SAMD5: variants seen among roughly 807,000 people sequenced by gnomAD.
SAMD5 encodes sterile alpha motif domain containing 5.
Under a neutral mutation model 11.3 loss-of-function variants are expected in SAMD5, and 13 were observed. The ratio of observed to expected loss-of-function variants is 1.15; its 90% confidence interval spans 0.75 to 1.83. The LOEUF is 1.83. Ranked by LOEUF, SAMD5 falls within the 40% of genes most tolerant of loss-of-function variation. The pLI is 0.00. For missense variants in SAMD5, 255 were observed against 239.1 expected, an observed-to-expected ratio of 1.07 and a Z score of -0.44; for synonymous variants, 129 against 111.3, an observed-to-expected ratio of 1.16 and a Z score of -1.00.
chr6:147,914,715 G>GA, the SAMD5 span, among the ~76,000 whole-genome samples: 4 of 152,124 alleles, frequency 2.6e-5, no homozygotes, highest in Non-Finnish European at 5.9e-5. Flanking sequence ...CTTGCAAGGG[G>GA]AAAAACAGTA....
chr6:147,676,724 A>G (rs1457781294), intron 1 of SAMD5, among the ~76,000 whole-genome samples: 1 of 151,558 alleles, frequency 6.6e-6, no homozygotes, highest in Non-Finnish European at 1.5e-5. Context: ...TAACATTTAA[A>G]CCAGACCTTG....
chr6:147,767,585 C>A, the SAMD5 span, among the ~76,000 whole-genome samples: 1 of 152,058 alleles, frequency 6.6e-6, no homozygotes, highest in South Asian at 2.1e-4. Flanking sequence ...GGGATTGAAG[C>A]CCTTATAAAG....
At chr6:147,925,849 A>T in the SAMD5 span, among the ~76,000 whole-genome samples, 401 of 152,104 alleles carry the variant, frequency 2.6e-3, no homozygotes, top group African/African-American at 9.1e-3. Flanking sequence ...TCCACCCTCA[A>T]GTAGGCCCCA....
At chr6:147,533,462 CAAAAAAA>C (rs57455955) in intron 1 of SAMD5, among the ~76,000 whole-genome samples, 2 of 89,508 alleles carry the variant, frequency 2.2e-5, no homozygotes, top group African/African-American at 3.7e-5. Flanking sequence ...AATTCCATCT[CAAAAAAA>C]AAAAAAAAAA....
chr6:147,686,802 C>T (rs1232054103), intron 1 of SAMD5, among the ~76,000 whole-genome samples: 3 of 151,920 alleles, frequency 2.0e-5, no homozygotes, highest in Non-Finnish European at 4.4e-5. Flanking sequence ...ATAATCATGG[C>T]CATTAAACAA....
intron 1 of SAMD5, among the ~76,000 whole-genome samples, chr6:147,701,945 G>A (rs1389779582): frequency 1.3e-5 from 2 of 152,132 alleles, no homozygotes; most frequent in Non-Finnish European, 2.9e-5. Context: ...GACTAGACTT[G>A]AGGAACCTGA....
the SAMD5 span, among the ~76,000 whole-genome samples, chr6:147,772,613 G>A: frequency 3.3e-5 from 5 of 152,018 alleles, no homozygotes; most frequent in African/African-American, 1.2e-4. Flanking sequence ...TCTGTTCCAG[G>A]CCTCAGTGCT....
the SAMD5 span, among the ~76,000 whole-genome samples, chr6:147,909,581 T>C: frequency 1.0e-3 from 62 of 61,894 alleles, no homozygotes; most frequent in African/African-American, 6.1e-3. Flanking sequence ...TCTTTCTTTC[T>C]TTCTTTCTTT....
the SAMD5 span, among the ~76,000 whole-genome samples, chr6:147,923,399 A>C: frequency 6.6e-6 from 1 of 152,226 alleles, no homozygotes; most frequent in Non-Finnish European, 1.5e-5. Flanking sequence ...TGTCAATAAA[A>C]AGACCAATAA....
Position 147,569,329 on chromosome 6 carries a change from A to AT in SAMD5, c.*4879dup, listed in dbSNP as rs1789099492. 1.8e-6 allele frequency: 1 copy of AT among 570,280 alleles called. No homozygotes were observed. Among genetic ancestry groups the AT allele is most frequent in the Non-Finnish European group, 2.2e-6 (1 of 451,532 alleles). 35.3% of individuals were successfully genotyped at this position (570,280 alleles called of 1,614,324 possible). On this transcript the variant is annotated 3_prime_UTR_variant, in exon 2 of 2. Coordinates refer to ENST00000367474, the MANE Select transcript of SAMD5 (RefSeq NM_001030060.3). ...TTTAAACTCCTGGAAATTAAGTGTT[A>AT]TTTTTTATTACTGCAGTTGAGAGAT...
chr6:147,833,787 T>C, the SAMD5 span, among the ~76,000 whole-genome samples: 1 of 152,238 alleles, frequency 6.6e-6, no homozygotes, highest in East Asian at 1.9e-4. Flanking sequence ...TCTTAGTCCA[T>C]GGAACATATT....
chr6:147,661,144 AT>A (rs1014478376), intron 1 of SAMD5, among the ~76,000 whole-genome samples: 4 of 151,522 alleles, frequency 2.6e-5, no homozygotes, highest in South Asian at 2.1e-4. Flanking sequence ...AAATCTACCA[AT>A]TTTTTTTTCT....
At chr6:147,751,910 TTA>T in the SAMD5 span, among the ~76,000 whole-genome samples, 430 of 152,260 alleles carry the variant, frequency 2.8e-3, 2 homozygotes, top group African/African-American at 9.9e-3. Context: ...ACATAAATAA[TTA>T]TATGAAAATC....
chr6:147,616,675 A>G (rs1008846275), intron 1 of SAMD5, among the ~76,000 whole-genome samples: 2 of 152,218 alleles, frequency 1.3e-5, no homozygotes, highest in Non-Finnish European at 2.9e-5. Context: ...AGACTGAGTA[A>G]TTTATAAAGG....
chr6:147,637,697 C>T (rs1385184961), intron 1 of SAMD5, among the ~76,000 whole-genome samples: 1 of 152,148 alleles, frequency 6.6e-6, no homozygotes, highest in African/African-American at 2.4e-5. Context: ...TAAATTGACC[C>T]TCATACAGTA....
chr6:147,734,711 T>TGAAAAAAAAA (rs1791767982), intron 1 of SAMD5, among the ~76,000 whole-genome samples: 1 of 26,100 alleles, frequency 3.8e-5, no homozygotes, highest in Non-Finnish European at 9.4e-5. Context: ...AGACTCCATC[T>TGAAAAAAAAA]AAAAAAAAAA....
At chr6:147,892,017 T>G in the SAMD5 span, among the ~76,000 whole-genome samples, 2 of 152,334 alleles carry the variant, frequency 1.3e-5, no homozygotes, top group Admixed American at 1.3e-4. Context: ...GGGCTCCTGA[T>G]GCCGAGTCCA....
At chr6:147,860,056 C>T in the SAMD5 span, among the ~76,000 whole-genome samples, 1 of 152,144 alleles carries the variant, frequency 6.6e-6, no homozygotes, top group South Asian at 2.1e-4. Context: ...TGAAATTTAT[C>T]GTCCCACAGT....
At chr6:147,826,311 G>A in the SAMD5 span, among the ~76,000 whole-genome samples, 83 of 152,188 alleles carry the variant, frequency 5.5e-4, no homozygotes, top group Admixed American at 4.6e-3. Context: ...CCTTCTCTCC[G>A]TCCTCTCCTC....
Sources: gnomAD v4.1 joint callset for allele counts (sites outside exome capture counted in the v4.1 genomes callset) on GRCh38, gnomAD v4.1.1 for gene constraint, MANE v1.5 for transcripts, NCBI Gene and HGNC (gene_info 2026-07-23, HGNC 2026-07-21) for gene names.